The following SCEL variants were observed in gnomAD, a reference collection of about 807,000 sequenced individuals.
SCEL encodes sciellin.
A neutral mutation model predicts 117.6 loss-of-function variants in SCEL; 113 were observed. The ratio of observed to expected loss-of-function variants is 0.96; its 90% confidence interval spans 0.83 to 1.12. SCEL has a LOEUF of 1.12. SCEL is among the 50% of genes most tolerant of loss of function. SCEL has a pLI of 0.00. For synonymous variants in SCEL, 270 were observed against 256.2 expected, an observed-to-expected ratio of 1.05 and a Z score of -0.51; for missense variants, 785 against 810.8, an observed-to-expected ratio of 0.97 and a Z score of 0.39.
intron 22 of SCEL, among the ~76,000 whole-genome samples, chr13:77,610,449 C>CAAAA (rs11356008): frequency 8.9e-6 from 1 of 112,542 alleles, no homozygotes; most frequent in Non-Finnish European, 1.8e-5. Flanking sequence ...AAGACTCCGT[C>CAAAA]AAAAAAAAAA....
intron 10 of SCEL, 73 bp from the exon 11 acceptor site, chr13:77,591,322 T>A (rs73543711): frequency 6.1e-5 from 56 of 925,568 alleles, no homozygotes; most frequent in Admixed American, 2.2e-4. Context: ...ATAAATTTTT[T>A]AAAATAAATT....
chr13:77,549,721 G>GT (rs2084195744), intron 1 of SCEL, among the ~76,000 whole-genome samples: 1 of 152,162 alleles, frequency 6.6e-6, no homozygotes, highest in Non-Finnish European at 1.5e-5. Flanking sequence ...TATTGTATAA[G>GT]TTTAACAGCT....
At chr13:77,581,659 T>C (rs2086269271) in intron 9 of SCEL, among the ~76,000 whole-genome samples, 1 of 152,186 alleles carries the variant, frequency 6.6e-6, no homozygotes, top group Admixed American at 6.5e-5. Flanking sequence ...GTCAAAAACG[T>C]CACCTTGCTC....
At chr13:77,566,203 A>G (rs2154396994) in intron 5 of SCEL, among the ~76,000 whole-genome samples, 1 of 152,276 alleles carries the variant, frequency 6.6e-6, no homozygotes, top group Admixed American at 6.5e-5. Context: ...ATACTACAGA[A>G]TCGAATATAT....
chr13:77,598,292 T>C (rs559343966), intron 13 of SCEL, among the ~76,000 whole-genome samples: 1 of 152,306 alleles, frequency 6.6e-6, no homozygotes, highest in East Asian at 1.9e-4. Context: ...TCTCTATTAC[T>C]TTGCATACTA....
chr13:77,590,600 G>A (rs142789953), intron 10 of SCEL, among the ~76,000 whole-genome samples: 1 of 151,906 alleles, frequency 6.6e-6, no homozygotes, highest in African/African-American at 2.4e-5. Flanking sequence ...TTTAAAGGAA[G>A]CTAAATTTCA....
intron 11 of SCEL, among the ~76,000 whole-genome samples, chr13:77,592,349 G>C (rs928723573): frequency 1.3e-5 from 2 of 152,114 alleles, no homozygotes; most frequent in Non-Finnish European, 2.9e-5. Flanking sequence ...TGCAAAAGAA[G>C]AGTTCAGTGT....
intron 27 of SCEL, among the ~76,000 whole-genome samples, chr13:77,618,333 A>AT (rs780899815): frequency 8.6e-5 from 13 of 152,042 alleles, no homozygotes; most frequent in Non-Finnish European, 1.9e-4. Context: ...GGTGTGCACC[A>AT]TCATGCCCAG....
chr13:77,556,461 T>C, intron 2 of SCEL, 135 bp from the exon 3 acceptor site: 1 of 698,914 alleles, frequency 1.4e-6, no homozygotes, highest in South Asian at 1.7e-5. Context: ...GCATCCTACT[T>C]TGAAACAGTA....
chr13:77,570,634 C>G (rs2085543412), intron 8 of SCEL, among the ~76,000 whole-genome samples: 1 of 152,136 alleles, frequency 6.6e-6, no homozygotes, highest in South Asian at 2.1e-4. Flanking sequence ...TCCTGTCTGC[C>G]TTTTCTTCTG....
intron 19 of SCEL, among the ~76,000 whole-genome samples, chr13:77,607,014 GT>G (rs1325181474): frequency 6.6e-6 from 1 of 152,144 alleles, no homozygotes. Flanking sequence ...CTACTAAAAT[GT>G]TTTCGATGAC....
intron 1 of SCEL, among the ~76,000 whole-genome samples, chr13:77,550,162 G>T (rs1027408450): frequency 3.3e-5 from 5 of 151,812 alleles, no homozygotes; most frequent in Admixed American, 3.3e-4. Flanking sequence ...GAGGCAGGTG[G>T]ATGGCTTGAG....
intron 5 of SCEL, 109 bp downstream of exon 5, chr13:77,564,008 A>G (rs1375114696): frequency 1.4e-6 from 1 of 698,886 alleles, no homozygotes; most frequent in Non-Finnish European, 2.2e-6. Flanking sequence ...TGAATCACTG[A>G]TATTTTATTC....
intron 3 of SCEL, among the ~76,000 whole-genome samples, chr13:77,557,031 G>T (rs561643097): frequency 4.6e-5 from 7 of 152,174 alleles, no homozygotes; most frequent in Non-Finnish European, 8.8e-5. Flanking sequence ...TTCCAAAAAG[G>T]TAACAGTTAA....
chr13:77,537,845 A>C (rs1207708436), intron 1 of SCEL, among the ~76,000 whole-genome samples: 1 of 152,264 alleles, frequency 6.6e-6, no homozygotes, highest in East Asian at 1.9e-4. Flanking sequence ...CAAATTAAGC[A>C]AACATTGTTT....
Position 77,563,830 on chromosome 13 carries a change from G to T in SCEL, c.222-1G>T. On this transcript the variant is annotated splice_acceptor_variant, in intron 4 of 32. Transcript: ENST00000349847. LOFTEE classifies it high-confidence loss of function. ...TTTTTTGGTAATTATGTTTGCTACAGGAAAGTAAATGAGAGAGATGTGCCA... is the reference window on the plus strand; with the variant it reads ...TTTTTTGGTAATTATGTTTGCTACATGAAAGTAAATGAGAGAGATGTGCCA... 1 of 1,579,510 alleles carries T rather than the reference G, an allele frequency of 6.3e-7. No homozygotes were observed. The highest frequency in any genetic ancestry group is 8.6e-7 in the Non-Finnish European group (1 of 1,168,364).
intron 5 of SCEL, among the ~76,000 whole-genome samples, 190 bp downstream of exon 5, chr13:77,564,089 C>A (rs1029006656): frequency 1.3e-5 from 2 of 151,844 alleles, no homozygotes; most frequent in East Asian, 1.9e-4. Flanking sequence ...AGATGCATTT[C>A]CAAAATCTTT....
At chr13:77,576,152 A>G (rs1048542966) in intron 9 of SCEL, among the ~76,000 whole-genome samples, 26 of 152,030 alleles carry the variant, frequency 1.7e-4, no homozygotes, top group Admixed American at 3.9e-4. Context: ...TTTCATCTCC[A>G]TTTTCTGCTT....
intron 28 of SCEL, among the ~76,000 whole-genome samples, chr13:77,629,546 GC>G (rs1405319785): frequency 1.3e-5 from 2 of 152,154 alleles, no homozygotes; most frequent in East Asian, 3.8e-4. Context: ...GTAATTGGAT[GC>G]CCAAGCAAAT....
Sources: gnomAD v4.1 joint callset for allele counts (sites outside exome capture counted in the v4.1 genomes callset) on GRCh38, gnomAD v4.1.1 for gene constraint, MANE v1.5 for transcripts, NCBI Gene and HGNC (gene_info 2026-07-23, HGNC 2026-07-21) for gene names.